Variants in SIRT4 observed in about 807,000 individuals in gnomAD.
SIRT4 encodes the protein NAD-dependent protein lipoamidase sirtuin-4, mitochondrial.
In SIRT4, 23 loss-of-function variants were observed where a neutral mutation model predicts 26.1. That is an observed-to-expected ratio of 0.88 (90% CI 0.63 to 1.25). SIRT4 has a LOEUF of 1.25. SIRT4 is among the 50% of genes most tolerant of loss of function. The probability of loss-of-function intolerance (pLI) is 0.00; values close to 1 mark genes in which losing one functional copy is unlikely to be tolerated. For missense variants in SIRT4, 361 were observed against 405.4 expected, an observed-to-expected ratio of 0.89 and a Z score of 0.94; for synonymous variants, 155 against 158.4, an observed-to-expected ratio of 0.98 and a Z score of 0.16.
At chr12:120,306,618 A>G (rs1305018426) in intron 2 of SIRT4, among the ~76,000 whole-genome samples, 2 of 152,130 alleles carry the variant, frequency 1.3e-5, no homozygotes, top group East Asian at 3.8e-4. Flanking sequence ...CCTGGCCCAC[A>G]CGGTGAAACC....
the SIRT4 span, chr12:120,293,164 G>C: frequency 6.6e-6 from 1 of 152,140 alleles, no homozygotes; most frequent in African/African-American, 2.4e-5. Context: ...GGGGTATTGG[G>C]AAAAGTTTTC....
upstream of SIRT4, among the ~76,000 whole-genome samples, chr12:120,300,509 A>C (rs1269741506): frequency 6.6e-6 from 1 of 152,122 alleles, no homozygotes; most frequent in East Asian, 1.9e-4. Flanking sequence ...GCAGTCGCAC[A>C]ATTATGGCTC....
chr12:120,312,453 C>T lies in SIRT4; in HGVS notation c.498-3C>T. 6.2e-7 allele frequency: 1 copy of T among 1,603,908 alleles called. No individual in the cohort carries two copies. Among genetic ancestry groups the T allele is most frequent in the Non-Finnish European group, 8.5e-7 (1 of 1,174,956 alleles). On this transcript the variant is annotated splice_polypyrimidine_tract_variant and splice_region_variant and intron_variant, in intron 2 of 3. Transcript: ENST00000202967. ...GTTCAGTCAGCGTCTTCCTTGGTTC[C>T]AGGGTCCTGTGCTTGGATTGTGGGG... is the stretch of plus-strand genomic sequence containing the variant.
At chr12:120,293,835 A>G in the SIRT4 span, among the ~76,000 whole-genome samples, 3 of 101,408 alleles carry the variant, frequency 3.0e-5, no homozygotes, top group South Asian at 1.1e-3. Context: ...TTCTATCTCT[A>G]TGACTTTGTG....
chr12:120,312,447 T>G lies in SIRT4; in HGVS notation c.498-9T>G. 1 of 1,597,808 alleles carries G rather than the reference T, an allele frequency of 6.3e-7. No individual in the cohort carries two copies. Among genetic ancestry groups the G allele is most frequent in the Non-Finnish European group, 8.5e-7 (1 of 1,172,126 alleles). The stretch of plus-strand genomic sequence containing the variant: ...CATACTGTTCAGTCAGCGTCTTCCT[T>G]GGTTCCAGGGTCCTGTGCTTGGATT... On this transcript the variant is annotated splice_polypyrimidine_tract_variant and intron_variant, in intron 2 of 3. Transcript: ENST00000202967.
At chr12:120,306,360 A>G (rs990159281) in intron 2 of SIRT4, among the ~76,000 whole-genome samples, 1 of 151,912 alleles carries the variant, frequency 6.6e-6, no homozygotes, top group African/African-American at 2.4e-5. Context: ...CTGTAATCCT[A>G]GCGACTCGGG....
chr12:120,296,223 A>T, the SIRT4 span, among the ~76,000 whole-genome samples: 4 of 146,004 alleles, frequency 2.7e-5, no homozygotes, highest in Admixed American at 1.4e-4. Context: ...CAAAAATGAC[A>T]TTTTTTTTTT....
chr12:120,299,766 G>C (rs1872479876), upstream of SIRT4, among the ~76,000 whole-genome samples: 1 of 152,092 alleles, frequency 6.6e-6, no homozygotes, highest in Non-Finnish European at 1.5e-5. Flanking sequence ...TTGGGTGCAA[G>C]AGTATATCTG....
chr12:120,296,671 C>T, the SIRT4 span, among the ~76,000 whole-genome samples: 2 of 151,548 alleles, frequency 1.3e-5, no homozygotes, highest in Admixed American at 1.3e-4. Flanking sequence ...CCATGCCCAG[C>T]TAATTTTTCT....
intron 2 of SIRT4, among the ~76,000 whole-genome samples, chr12:120,304,341 A>G (rs2522138): frequency 0.24 from 36,785 of 152,018 alleles, 6,209 homozygotes; most frequent in African/African-American, 0.49. Context: ...ATGCCTGAGG[A>G]TTGTCTCAAT....
the SIRT4 span, among the ~76,000 whole-genome samples, chr12:120,293,762 C>T: frequency 2.0e-5 from 3 of 152,048 alleles, no homozygotes; most frequent in Non-Finnish European, 4.4e-5. Flanking sequence ...AGACTCTGTA[C>T]CCATTAAACC....
upstream of SIRT4, among the ~76,000 whole-genome samples, chr12:120,299,901 G>C (rs1312563140): frequency 1.3e-5 from 2 of 152,062 alleles, no homozygotes; most frequent in Non-Finnish European, 2.9e-5. Context: ...GGAGGGCTGT[G>C]TGCTCTATTC....
intron 2 of SIRT4, among the ~76,000 whole-genome samples, chr12:120,307,169 A>G (rs1055005528): frequency 6.6e-6 from 1 of 152,184 alleles, no homozygotes; most frequent in Non-Finnish European, 1.5e-5. Context: ...ACATTATAAC[A>G]CTAACTACTG....
At position 120,312,718 on chromosome 12, in the gene SIRT4, G is replaced by A. The variant is rs201108193; in HGVS notation, c.760G>A (p.Asp254Asn). The A allele has an allele frequency of 1.5e-5, 24 of 1,613,886 alleles. No homozygotes were observed. Among genetic ancestry groups the A allele is most frequent in the East Asian group, 2.2e-5 (1 of 44,886 alleles). ...DFVHKRVKEA[D>N]SLLVVGSSLQ... ...TGTGCACAAGCGTGTAAAAGAAGCC[G>A]ACTCCCTCTTGGTGGTGGGATCATC... The change falls in exon 3 of 4, where the codon GAC becomes AAC. Residue 254 changes from aspartate (D) to asparagine (N), a missense_variant. By Grantham distance (23) the Asp-to-Asn change is conservative (BLOSUM62 1). Coordinates refer to ENST00000202967, the MANE Select transcript of SIRT4 (RefSeq NM_012240.3).
chr12:120,296,990 C>G, the SIRT4 span, among the ~76,000 whole-genome samples: 1 of 149,304 alleles, frequency 6.7e-6, no homozygotes, highest in Non-Finnish European at 1.5e-5. Context: ...TTTGGGAGGC[C>G]GAGGCGGGTG....
At chr12:120,310,525 T>G (rs986203417) in intron 2 of SIRT4, among the ~76,000 whole-genome samples, 1 of 151,774 alleles carries the variant, frequency 6.6e-6, no homozygotes, top group Non-Finnish European at 1.5e-5. Context: ...GCCACAGGGG[T>G]TCTTTTAAGA....
the SIRT4 span, among the ~76,000 whole-genome samples, chr12:120,292,084 G>A: frequency 2.2e-4 from 33 of 152,192 alleles, no homozygotes; most frequent in African/African-American, 8.0e-4. Context: ...TTCAGGTTTT[G>A]AAAACCATAA....
intron 1 of SIRT4, 150 bp from the exon 2 acceptor site, chr12:120,303,411 G>GT: frequency 1.2e-6 from 1 of 852,346 alleles, no homozygotes; most frequent in South Asian, 2.0e-5. Flanking sequence ...GGAGGCGGCG[G>GT]TTACAGTGAG....
chr12:120,307,711 A>G (rs1169068583), intron 2 of SIRT4, among the ~76,000 whole-genome samples: 1 of 149,312 alleles, frequency 6.7e-6, no homozygotes, highest in East Asian at 2.0e-4. Context: ...ATACAAAATT[A>G]GCCAGGCATG....
Sources: gnomAD v4.1 joint callset for allele counts (sites outside exome capture counted in the v4.1 genomes callset) on GRCh38, gnomAD v4.1.1 for gene constraint, MANE v1.5 for transcripts, NCBI Gene and HGNC (gene_info 2026-07-23, HGNC 2026-07-21) for gene names.